Variants in CHRDL1 observed in about 807,000 individuals in gnomAD.
CHRDL1 encodes the protein chordin like 1, also known as chordin-like protein 1.
In CHRDL1, 19 loss-of-function variants were observed where a neutral mutation model predicts 40.9. The ratio of observed to expected loss-of-function variants is 0.46; its 90% CI spans 0.32 to 0.68. The LOEUF (loss-of-function observed/expected upper bound fraction) is 0.68, where lower values mean the gene tolerates loss of function less well. CHRDL1 is among the 30% of genes least tolerant of loss of function. CHRDL1 has a pLI of 0.03. For missense variants in CHRDL1, 329 were observed against 352.1 expected (o/e 0.93, Z 0.53); for synonymous variants, 136 against 123.4 (o/e 1.10, Z -0.68).
intron 4 of CHRDL1, among the ~76,000 whole-genome samples, chrX:110,751,839 C>G (rs1314063977): frequency 9.0e-6 from 1 of 111,644 alleles, no homozygotes; most frequent in Non-Finnish European, 1.9e-5. Context: ...TATCGCAGGA[C>G]CACACACAAC....
intron 2 of CHRDL1, among the ~76,000 whole-genome samples, chrX:110,769,494 A>AG (rs1296610892): frequency 1.8e-5 from 2 of 112,737 alleles, no homozygotes; most frequent in Non-Finnish European, 3.7e-5. Flanking sequence ...TAAGTACAGA[A>AG]ATAGGCAAGT....
At chrX:110,778,503 G>A (rs1170822412) in intron 2 of CHRDL1, among the ~76,000 whole-genome samples, 4 of 112,050 alleles carry the variant, frequency 3.6e-5, no homozygotes, top group Non-Finnish European at 7.5e-5. Context: ...ATGAAAATGT[G>A]CTCAGTATCA....
At chrX:110,781,317 G>A (rs1290880610) in intron 2 of CHRDL1, among the ~76,000 whole-genome samples, 1 of 111,253 alleles carries the variant, frequency 9.0e-6, no homozygotes, top group Non-Finnish European at 1.9e-5. Context: ...ATCCTACAAG[G>A]TGGCTCCTTC....
At chrX:110,751,869 G>A (rs1228761191) in intron 4 of CHRDL1, among the ~76,000 whole-genome samples, 6 of 111,864 alleles carry the variant, frequency 5.4e-5, no homozygotes, top group Non-Finnish European at 9.4e-5. Context: ...TGGAATCAAC[G>A]TAAGTTTCCA....
At chrX:110,734,654 C>T (rs997796907) in intron 4 of CHRDL1, among the ~76,000 whole-genome samples, 8 of 111,931 alleles carry the variant, frequency 7.1e-5, no homozygotes, top group African/African-American at 9.7e-5. Flanking sequence ...AGCAGCAAAA[C>T]GTGAGGGCTA....
intron 8 of CHRDL1, among the ~76,000 whole-genome samples, chrX:110,692,811 T>G (rs928946079): frequency 1.8e-5 from 2 of 112,527 alleles, no homozygotes; most frequent in African/African-American, 6.5e-5. Flanking sequence ...ATTTAATTTT[T>G]TTATCTGTAA....
rs1172760631 is a variant in CHRDL1 at position 110,733,931 on chromosome X, C to CAAA, written c.302-12404_302-12402dup. Among the ~76,000 whole-genome samples the CAAA allele has an allele frequency of 7.4e-4, 9 of 12,125 alleles. 1 individual carries two copies. The highest frequency in any genetic ancestry group is 1.7e-3 in the African/African-American group (8 of 4,642). 10.5% of individuals were successfully genotyped at this position (12,125 alleles called of 115,157 possible). Reference sequence around the variant, plus strand: ...GGGCAACAAGAGCAAAACTCTGTCTCAAAAAAAAAAAAAAAAAAAAAAAAA... The same window carrying CAAA: ...GGGCAACAAGAGCAAAACTCTGTCTCAAAAAAAAAAAAAAAAAAAAAAAAAAAA... On this transcript the variant is annotated intron_variant, in intron 4 of 11. Transcript: ENST00000372042.
chrX:110,758,078 C>T (rs1436033697), intron 4 of CHRDL1, among the ~76,000 whole-genome samples: 1 of 105,579 alleles, frequency 9.5e-6, no homozygotes, highest in Non-Finnish European at 1.9e-5. Flanking sequence ...GTCTGACAGG[C>T]TACCTGGCAG....
chrX:110,700,988 C>T (rs1165626523), intron 6 of CHRDL1, among the ~76,000 whole-genome samples: 1 of 112,193 alleles, frequency 8.9e-6, no homozygotes. Flanking sequence ...AAAATAATCA[C>T]TTTCCACCTA....
rs935168954 is a variant in CHRDL1, at chrX:110,729,822, T to C, written c.302-8292A>G. Among the ~76,000 whole-genome samples the C allele has an allele frequency of 5.7e-4, 64 of 112,163 alleles. 2 individuals carry two copies. Among genetic ancestry groups the C allele is most frequent in the African/African-American group, 2.1e-3 (64 of 30,851 alleles). On this transcript the variant is annotated intron_variant, in intron 4 of 11. Coordinates refer to ENST00000372042, the MANE Select transcript of CHRDL1 (RefSeq NM_001143981.2). The stretch of plus-strand genomic sequence containing the variant: ...TGAGCAAATTCTTAGCATCTCTGAG[T>C]CTCAGTTTCTCCATCTATAAAATTG...
intron 1 of CHRDL1, among the ~76,000 whole-genome samples, chrX:110,793,880 T>G (rs181942777): frequency 1.1e-3 from 122 of 112,206 alleles, no homozygotes; most frequent in African/African-American, 3.8e-3. Context: ...TCATAGATTT[T>G]TTTGCCTTTC....
rs1244719954 is a variant in CHRDL1, at chrX:110,681,722, C to T, written c.989-73G>A. 1.3e-5 allele frequency: 10 copies of T among 765,967 alleles called. No individual in the cohort carries two copies. The Admixed American group carries it at 2.7e-4, about 20-fold the overall frequency. 63.1% of individuals were successfully genotyped at this position (765,967 alleles called of 1,213,427 possible). On this transcript the variant is annotated intron_variant, in intron 9 of 11. Coordinates refer to ENST00000372042, the MANE Select transcript of CHRDL1 (RefSeq NM_001143981.2). ...GAAGTGAACTTCTGCATTTATGTAT[C>T]TCATTGTTCATAACATCTCACACTT... is the stretch of plus-strand genomic sequence containing the variant.
At position 110,689,951 on chromosome X, in the gene CHRDL1, A is replaced by C. The variant is rs1215188179; in HGVS notation, c.779-1148T>G. Among the ~76,000 whole-genome samples the C allele has an allele frequency of 1.3e-3, 42 of 33,049 alleles. 1 individual carries two copies. Among genetic ancestry groups the C allele is most frequent in the African/African-American group, 4.3e-3 (17 of 3,968 alleles). 28.7% of individuals were successfully genotyped at this position (33,049 alleles called of 115,157 possible). On this transcript the variant is annotated intron_variant, in intron 8 of 11. Coordinates refer to ENST00000372042, the MANE Select transcript of CHRDL1 (RefSeq NM_001143981.2). ...TATATCTATATATATCTATATATCT[A>C]TATATATCTATATATCTATATATAT... is the stretch of plus-strand genomic sequence containing the variant.
intron 2 of CHRDL1, among the ~76,000 whole-genome samples, chrX:110,766,375 C>CA (rs750712220): frequency 5.5e-5 from 6 of 109,098 alleles, no homozygotes; most frequent in East Asian, 2.9e-4. Flanking sequence ...GAAATTGAAA[C>CA]AAAAAAAAGA....
chrX:110,695,906 T>C lies in CHRDL1; in HGVS notation c.610-1575A>G, dbSNP rs773661378. Among the ~76,000 whole-genome samples, 86 of 112,331 alleles carry C rather than the reference T, an allele frequency of 7.7e-4. 1 individual carries two copies. Among genetic ancestry groups the C allele is most frequent in the African/African-American group, 2.5e-3 (76 of 30,753 alleles). ...TCTAAGAAGAGCCTATGTTGGTGCA[T>C]TGCTATCAAAATTCACACAAATAAA... On this transcript the variant is annotated intron_variant, in intron 7 of 11. Coordinates refer to ENST00000372042, the MANE Select transcript of CHRDL1 (RefSeq NM_001143981.2).
At chrX:110,762,328 G>A (rs112740464) in intron 3 of CHRDL1, among the ~76,000 whole-genome samples, 13 of 111,724 alleles carry the variant, frequency 1.2e-4, no homozygotes, top group African/African-American at 4.2e-4. Context: ...CCATGCTGGA[G>A]TGCAGTGGTA....
intron 11 of CHRDL1, among the ~76,000 whole-genome samples, chrX:110,678,788 C>G (rs2069833881): frequency 9.0e-6 from 1 of 111,182 alleles, no homozygotes; most frequent in Non-Finnish European, 1.9e-5. Context: ...CTAGAAGTAT[C>G]TTAGTCCCTA....
chrX:110,712,022 T>G (rs910860217), intron 6 of CHRDL1, among the ~76,000 whole-genome samples: 1 of 112,178 alleles, frequency 8.9e-6, no homozygotes, highest in African/African-American at 3.2e-5. Flanking sequence ...ACTGCATCTG[T>G]ACTTGGAATG....
At chrX:110,732,458 C>T (rs1468957120) in intron 4 of CHRDL1, among the ~76,000 whole-genome samples, 2 of 112,021 alleles carry the variant, frequency 1.8e-5, no homozygotes, top group Non-Finnish European at 3.8e-5. Flanking sequence ...TCTGTCCCAA[C>T]CAAGAAGGTG....
Sources: gnomAD v4.1 joint callset for allele counts (sites outside exome capture counted in the v4.1 genomes callset) on GRCh38, gnomAD v4.1.1 for gene constraint, MANE v1.5 for transcripts, NCBI Gene and HGNC (gene_info 2026-07-23, HGNC 2026-07-21) for gene names.